DOCK2: variants seen among roughly 807,000 people sequenced by gnomAD.
DOCK2 encodes dedicator of cytokinesis 2.
In DOCK2, 87 loss-of-function variants were observed where a neutral mutation model predicts 248.9. That is an observed-to-expected ratio of 0.35 (90% CI 0.29 to 0.42). The LOEUF is 0.42. Among genes scored for constraint, DOCK2 ranks in the 10% least tolerant of loss-of-function variants. The pLI is 1.00. For synonymous variants in DOCK2, 805 were observed against 821.6 expected (o/e 0.98, Z 0.35); for missense variants, 1,747 against 2,300.2 (o/e 0.76, Z 4.92).
rs554843607 is a variant in DOCK2, at chr5:170,041,907, G to A, written c.3757-106G>A. 1.4e-5 allele frequency: 19 copies of A among 1,360,464 alleles called. No individual in the cohort carries two copies. In the African/African-American group the frequency reaches 2.2e-4, roughly 16 times the overall value. 84.3% of individuals were successfully genotyped at this position (1,360,464 alleles called of 1,614,324 possible). A position where few individuals can be genotyped will look rare whatever the true frequency, so the allele number is the denominator to read the frequency against. On this transcript the variant is annotated intron_variant, in intron 37 of 51. Coordinates refer to ENST00000520908, the MANE Select transcript of DOCK2 (RefSeq NM_004946.3). ...TCAAGAAAGGAGGAGAGATGGAAAG[G>A]ACAGGGTGTGTGTTGGCAGGGTGGT...
intron 1 of DOCK2, among the ~76,000 whole-genome samples, chr5:169,643,752 CTAAGA>C (rs992212992): frequency 6.6e-6 from 1 of 152,162 alleles, no homozygotes; most frequent in African/African-American, 2.4e-5. Flanking sequence ...ACAGCCTAAG[CTAAGA>C]TGATGGTTGG....
intron 27 of DOCK2, among the ~76,000 whole-genome samples, chr5:169,976,530 C>T (rs1212488651): frequency 6.6e-6 from 1 of 152,070 alleles, no homozygotes; most frequent in Non-Finnish European, 1.5e-5. Flanking sequence ...CTTCCACTTC[C>T]CCTTGTGATT....
Position 169,692,097 on chromosome 5 carries a change from A to G in DOCK2, c.843+2764A>G, listed in dbSNP as rs910410157. Among the ~76,000 whole-genome samples the G allele has an allele frequency of 2.0e-5, 3 of 151,820 alleles. No individual in the cohort carries two copies. In the South Asian group the frequency reaches 6.2e-4, roughly 31 times the overall value. On this transcript the variant is annotated intron_variant, in intron 9 of 51. Coordinates refer to ENST00000520908, the MANE Select transcript of DOCK2 (RefSeq NM_004946.3). ...TCTTGATCTCCTGACCTCGTGATCC[A>G]CCCACCTCAGCCTCCCAAAGTGCTG... is the stretch of plus-strand genomic sequence containing the variant.
chr5:169,798,295 C>G lies in DOCK2; in HGVS notation c.2555-4763C>G, dbSNP rs139970628. Among the ~76,000 whole-genome samples, 7 of 149,814 alleles carry G rather than the reference C, an allele frequency of 4.7e-5. No individual in the cohort carries two copies. In the Admixed American group the frequency reaches 4.8e-4, roughly 10 times the overall value. On this transcript the variant is annotated intron_variant, in intron 25 of 51. Coordinates refer to ENST00000520908, the MANE Select transcript of DOCK2 (RefSeq NM_004946.3). ...ATTCAGTTCATCCCTTCATCTGATA[C>G]TTTACCTCTTCCTTGTGCCTATCTA... is the stretch of plus-strand genomic sequence containing the variant.
chr5:169,847,773 C>T (rs934343825), intron 27 of DOCK2, among the ~76,000 whole-genome samples: 2 of 152,196 alleles, frequency 1.3e-5, no homozygotes, highest in African/African-American at 4.8e-5. Flanking sequence ...AGAAGCTACA[C>T]ATTGGCTCAG....
chr5:169,730,449 G>A (rs552498810), intron 22 of DOCK2, among the ~76,000 whole-genome samples: 12 of 152,272 alleles, frequency 7.9e-5, no homozygotes, highest in African/African-American at 2.6e-4. Context: ...TTTGGACAGC[G>A]AGTCAGAGGC....
At chr5:169,677,650 A>G (rs1411184879) in intron 6 of DOCK2, among the ~76,000 whole-genome samples, 1 of 152,232 alleles carries the variant, frequency 6.6e-6, no homozygotes. Flanking sequence ...CCTTCCAGAC[A>G]TGACAGAGAC....
In DOCK2 at chr5:169,714,064, C is replaced by T; in HGVS notation, c.1696C>T (p.Leu566=). 1 of 1,612,608 alleles carries T rather than the reference C, an allele frequency of 6.2e-7. No individual in the cohort carries two copies. Among genetic ancestry groups the T allele is most frequent in the Non-Finnish European group, 8.5e-7 (1 of 1,179,134 alleles). ...SKKMEDASAY[L]TLPSYRHHVE... ...GAAGATGGAGGATGCCAGCGCATACCTGACCCTTCCTTCTTATCGACACCA... is the reference window on the plus strand; with the variant it reads ...GAAGATGGAGGATGCCAGCGCATACTTGACCCTTCCTTCTTATCGACACCA... Residue 566 remains leucine (L), a synonymous_variant, in exon 18 of 52, where the codon CTG becomes TTG. Transcript: ENST00000520908.
chr5:169,891,763 TCA>T (rs1454817941), intron 27 of DOCK2, among the ~76,000 whole-genome samples: 3 of 148,964 alleles, frequency 2.0e-5, no homozygotes, highest in Non-Finnish European at 4.4e-5. Context: ...GGCAGGTGGA[TCA>T]CAAGGTCAGG....
chr5:169,792,504 G>A (rs561752297), intron 25 of DOCK2, among the ~76,000 whole-genome samples: 120 of 151,726 alleles, frequency 7.9e-4, no homozygotes, highest in African/African-American at 2.4e-3. Context: ...AAAGATGAGC[G>A]TCTTGTTATG....
chr5:170,009,961 G>T (rs1386572616), intron 32 of DOCK2, among the ~76,000 whole-genome samples: 2 of 152,106 alleles, frequency 1.3e-5, no homozygotes, highest in Non-Finnish European at 2.9e-5. Context: ...CTTTGCTTTG[G>T]GCCTTGCTCT....
intron 27 of DOCK2, among the ~76,000 whole-genome samples, chr5:169,880,501 T>C (rs922589581): frequency 2.7e-4 from 41 of 152,232 alleles, no homozygotes; most frequent in African/African-American, 9.9e-4. Context: ...GTCAACAAAA[T>C]TAGATGTCGT....
chr5:169,966,602 C>T (rs750280959), intron 27 of DOCK2, among the ~76,000 whole-genome samples: 1 of 152,148 alleles, frequency 6.6e-6, no homozygotes, highest in Non-Finnish European at 1.5e-5. Flanking sequence ...CCACACTCAG[C>T]ATAGGACCTG....
intron 27 of DOCK2, among the ~76,000 whole-genome samples, chr5:169,905,435 G>A (rs1341239922): frequency 2.0e-5 from 3 of 152,158 alleles, no homozygotes; most frequent in Admixed American, 2.0e-4. Context: ...GCAACCTCTT[G>A]CTTTTTCTTT....
intron 32 of DOCK2, among the ~76,000 whole-genome samples, chr5:170,017,656 TATAAG>T (rs1349438758): frequency 1.3e-5 from 2 of 152,358 alleles, no homozygotes; most frequent in East Asian, 3.9e-4. Context: ...ACAATAACCT[TATAAG>T]ATAAATACTG....
rs568515339 is a variant in DOCK2 at position 169,753,359 on chromosome 5, C to A, written c.2376+5855C>A. ...TCCCGATGTTCTCCCTGCCCTCACC[C>A]CCCCCCACCCCCTGACAGCTCCCCT... On this transcript the variant is annotated intron_variant, in intron 23 of 51. Transcript: ENST00000520908. 1.4e-3 allele frequency among the ~76,000 whole-genome samples: 215 copies of A among 151,750 alleles called. 1 individual carries two copies. The highest frequency in any genetic ancestry group is 4.8e-3 in the African/African-American group (199 of 41,320).
At position 169,700,082 on chromosome 5, in the gene DOCK2, G is replaced by A; in HGVS notation, c.1201G>A (p.Val401Met). The A allele has an allele frequency of 6.2e-7, 1 of 1,614,036 alleles. No homozygotes were observed. The highest frequency in any genetic ancestry group is 8.5e-7 in the Non-Finnish European group (1 of 1,179,936). ...GATTCGCAAGGACTATCCACACCTGGTGGACAGGACCACCGTGGTGGCCAG... is the reference window on the plus strand; with the variant it reads ...GATTCGCAAGGACTATCCACACCTGATGGACAGGACCACCGTGGTGGCCAG... ...IQIRKDYPHL[V>M]DRTTVVARKL... Residue 401 changes from valine (V) to methionine (M), a missense_variant, in exon 13 of 52, where the codon GTG becomes ATG. Around this residue, in one of 4 missense-constraint regions of DOCK2, gnomAD observed 375 missense variants for 510.9 expected, o/e 0.73. Coordinates refer to ENST00000520908, the MANE Select transcript of DOCK2 (RefSeq NM_004946.3).
In DOCK2 at chr5:170,027,847, T is replaced by G; in HGVS notation, c.3382-16T>G. 6.2e-7 allele frequency: 1 copy of G among 1,608,222 alleles called. No homozygotes were observed. The highest frequency in any genetic ancestry group is 8.5e-7 in the Non-Finnish European group (1 of 1,177,468). On this transcript the variant is annotated splice_polypyrimidine_tract_variant and intron_variant, in intron 33 of 51. Transcript: ENST00000520908. ...CTTCTGATGTTATTGTTGATTTTTG[T>G]CTCCTACATCTTCAGTTTGAAAACG...
intron 14 of DOCK2, among the ~76,000 whole-genome samples, chr5:169,707,869 C>A (rs548642574): frequency 6.6e-6 from 1 of 152,234 alleles, no homozygotes; most frequent in African/African-American, 2.4e-5. Context: ...TGCAGTAACT[C>A]CAAGGCTGGT....
Sources: allele counts gnomAD v4.1 joint callset (sites outside exome capture counted in the v4.1 genomes callset), GRCh38; gene constraint gnomAD v4.1.1; regional missense constraint gnomAD v4.1.1; transcripts MANE v1.5; gene names NCBI Gene and HGNC (gene_info 2026-07-23, HGNC 2026-07-21).